ANGPT1: variants seen among roughly 807,000 people sequenced by gnomAD.
ANGPT1 encodes the protein angiopoietin 1, also known as angiopoietin-1.
ANGPT1 carries 17 observed loss-of-function variants against 62.2 expected under a neutral mutation model. The observed-to-expected ratio is 0.27, with a 90% CI of 0.19 to 0.41. The LOEUF is 0.41. Ranked by LOEUF, ANGPT1 falls within the 10% of genes least tolerant of loss-of-function variation. The pLI is 1.00. For synonymous variants in ANGPT1, 199 were observed against 198.9 expected, an observed-to-expected ratio of 1.00 and a Z score of 0.00; for missense variants, 478 against 594.9, an observed-to-expected ratio of 0.80 and a Z score of 2.04.
chr8:107,420,759 T>C (rs1241399769), intron 1 of ANGPT1, among the ~76,000 whole-genome samples: 1 of 152,148 alleles, frequency 6.6e-6, no homozygotes, highest in African/African-American at 2.4e-5. Flanking sequence ...TCCTCTAATT[T>C]CATAAAACAC....
intron 1 of ANGPT1, among the ~76,000 whole-genome samples, chr8:107,457,725 G>A (rs1218680926): frequency 1.3e-5 from 2 of 151,532 alleles, no homozygotes; most frequent in South Asian, 2.1e-4. Flanking sequence ...TACCAGAAAC[G>A]AGTAGTTAGT....
At chr8:107,287,607 T>C (rs985269029) in intron 6 of ANGPT1, among the ~76,000 whole-genome samples, 1 of 151,990 alleles carries the variant, frequency 6.6e-6, no homozygotes, top group African/African-American at 2.4e-5. Flanking sequence ...AGATGAAAAA[T>C]ACGTGAAAGA....
At chr8:107,386,800 G>A (rs887631657) in intron 1 of ANGPT1, among the ~76,000 whole-genome samples, 3 of 152,012 alleles carry the variant, frequency 2.0e-5, no homozygotes, top group African/African-American at 4.8e-5. Flanking sequence ...ACACAGTCTC[G>A]AAGTCAGTAA....
chr8:107,488,414 G>A (rs942767588), intron 1 of ANGPT1, among the ~76,000 whole-genome samples: 12 of 152,158 alleles, frequency 7.9e-5, no homozygotes, highest in African/African-American at 2.7e-4. Context: ...GCCAAGGGAA[G>A]AGGGTTTAGA....
intron 7 of ANGPT1, among the ~76,000 whole-genome samples, chr8:107,283,347 C>T (rs1814061645): frequency 6.6e-6 from 1 of 152,068 alleles, no homozygotes; most frequent in Non-Finnish European, 1.5e-5. Flanking sequence ...CGCTTCCCCT[C>T]CACCCCCACC....
chr8:107,299,420 T>TATATATATAA (rs1342219214), intron 5 of ANGPT1, among the ~76,000 whole-genome samples: 1,225 of 120,310 alleles, frequency 0.01, 18 homozygotes, highest in Non-Finnish European at 0.016. Context: ...TATATATATA[T>TATATATATAA]AAACATACAT....
intron 1 of ANGPT1, among the ~76,000 whole-genome samples, chr8:107,484,103 C>T (rs145936573): frequency 6.6e-6 from 1 of 152,294 alleles, no homozygotes; most frequent in Non-Finnish European, 1.5e-5. Context: ...CATCATTCAT[C>T]TGAATCTCTT....
intron 1 of ANGPT1, among the ~76,000 whole-genome samples, chr8:107,484,305 G>A (rs1182356993): frequency 6.6e-6 from 1 of 152,116 alleles, no homozygotes; most frequent in African/African-American, 2.4e-5. Flanking sequence ...CTGTAAAGTG[G>A]GTTTGATAAT....
intron 1 of ANGPT1, among the ~76,000 whole-genome samples, chr8:107,382,601 A>G (rs1350835717): frequency 6.6e-6 from 1 of 152,134 alleles, no homozygotes; most frequent in East Asian, 1.9e-4. Flanking sequence ...CCCACACAGT[A>G]GACTTCAAGC....
chr8:107,337,962 G>C (rs1340641193), intron 2 of ANGPT1, among the ~76,000 whole-genome samples: 1 of 152,130 alleles, frequency 6.6e-6, no homozygotes, highest in Non-Finnish European at 1.5e-5. Flanking sequence ...TGGGCATGGT[G>C]GTTTGTGCCT....
chr8:107,462,794 C>A (rs920723408), intron 1 of ANGPT1, among the ~76,000 whole-genome samples: 3 of 152,028 alleles, frequency 2.0e-5, no homozygotes, highest in African/African-American at 7.2e-5. Context: ...ACTAACCAAC[C>A]AATCAACCCT....
chr8:107,289,452 G>C (rs955616780), intron 6 of ANGPT1, among the ~76,000 whole-genome samples: 1 of 151,946 alleles, frequency 6.6e-6, no homozygotes, highest in Non-Finnish European at 1.5e-5. Context: ...GTATTCCATG[G>C]GTTGCATCTT....
chr8:107,465,753 T>C (rs1450745521), intron 1 of ANGPT1, among the ~76,000 whole-genome samples: 2 of 152,190 alleles, frequency 1.3e-5, no homozygotes, highest in Admixed American at 6.5e-5. Flanking sequence ...CTTGAGAGAC[T>C]TGATTCTAAA....
At chr8:107,314,432 T>A (rs1269880739) in intron 4 of ANGPT1, among the ~76,000 whole-genome samples, 3 of 152,162 alleles carry the variant, frequency 2.0e-5, no homozygotes, top group African/African-American at 7.2e-5. Context: ...ACTATGTTAT[T>A]TTTTATTTTG....
chr8:107,281,553 C>T (rs1192734840), intron 7 of ANGPT1, among the ~76,000 whole-genome samples: 6 of 151,946 alleles, frequency 3.9e-5, no homozygotes, highest in South Asian at 4.2e-4. Flanking sequence ...CTGAGGCGTG[C>T]GGATCACGAG....
chr8:107,263,447 C>T (rs1018878274), intron 8 of ANGPT1, among the ~76,000 whole-genome samples: 2 of 150,012 alleles, frequency 1.3e-5, no homozygotes, highest in African/African-American at 4.9e-5. Context: ...TGTGCCATTG[C>T]TTAACCAAGG....
chr8:107,491,892 A>G (rs933309454), intron 1 of ANGPT1, among the ~76,000 whole-genome samples: 3 of 152,188 alleles, frequency 2.0e-5, no homozygotes, highest in East Asian at 1.9e-4. Context: ...TCAATGTGAA[A>G]TGGTACAGTC....
In ANGPT1 at chr8:107,251,691, G is replaced by A. The variant is rs934043254; in HGVS notation, c.*164C>T. On this transcript the variant is annotated 3_prime_UTR_variant, in exon 9 of 9. Coordinates refer to ENST00000517746, the MANE Select transcript of ANGPT1 (RefSeq NM_001146.5). ...AGTAGAGACTCTTGTGAACTCAAAC[G>A]GCTCCAGATTCACGGTCAAGAACCT... The A allele has an allele frequency of 3.6e-6, 3 of 843,598 alleles. No individual in the cohort carries two copies. The highest frequency in any genetic ancestry group is 1.7e-5 in the African/African-American group (1 of 58,042). 52.3% of individuals were successfully genotyped at this position (843,598 alleles called of 1,614,324 possible).
At position 107,497,611 on chromosome 8, in the gene ANGPT1, C is replaced by A; in HGVS notation, c.-53G>T. On this transcript the variant is annotated 5_prime_UTR_variant, in exon 1 of 9. Coordinates refer to ENST00000517746, the MANE Select transcript of ANGPT1 (RefSeq NM_001146.5). ...CTCTCGCAAAACTTGCTCCTTTCTT[C>A]TGACCTCTAAAACTAGTTCTTTATT... 1 of 1,551,716 alleles carries A rather than the reference C, an allele frequency of 6.4e-7. No individual in the cohort carries two copies. The highest frequency in any genetic ancestry group is 1.9e-5 in the Admixed American group (1 of 53,158).
Sources: allele counts gnomAD v4.1 joint callset (sites outside exome capture counted in the v4.1 genomes callset), GRCh38; gene constraint gnomAD v4.1.1; transcripts MANE v1.5; gene names NCBI Gene and HGNC (gene_info 2026-07-23, HGNC 2026-07-21).